DGKH: variants seen among roughly 807,000 people sequenced by gnomAD.
DGKH encodes the protein diacylglycerol kinase eta.
A neutral mutation model predicts 159.3 loss-of-function variants in DGKH; 90 were observed. That is an observed-to-expected ratio of 0.57 (90% CI 0.48 to 0.67). The LOEUF (loss-of-function observed/expected upper bound fraction) is 0.67. DGKH is among the 30% of genes least tolerant of loss of function. The pLI is 0.00. For missense variants in DGKH, 1,181 were observed against 1,506.1 expected (o/e 0.78, Z 3.57); for synonymous variants, 536 against 553.8 (o/e 0.97, Z 0.45).
At position 42,189,113 on chromosome 13, in the gene DGKH, T is replaced by C; in HGVS notation, c.1716T>C (p.Pro572=). The stretch of plus-strand genomic sequence containing the variant: ...ATTCCCAGGCTGCGCCTGTTCTCCC[T>C]GGCCTCAGCCCTCTCATTGTGGAAG... ...HTDSQAAPVL[P]GLSPLIVEED... Residue 572 remains proline (P), a synonymous_variant, in exon 15 of 30, where the codon CCT becomes CCC. Coordinates refer to ENST00000337343, the MANE Select transcript of DGKH (RefSeq NM_178009.5). 1.2e-6 allele frequency: 2 copies of C among 1,614,268 alleles called. No homozygotes were observed. Among genetic ancestry groups the C allele is most frequent in the African/African-American group, 1.3e-5 (1 of 75,080 alleles).
chr13:42,188,507 A>C (rs1346399410), intron 14 of DGKH, among the ~76,000 whole-genome samples: 1 of 152,242 alleles, frequency 6.6e-6, no homozygotes, highest in East Asian at 1.9e-4. Flanking sequence ...GCCACAACTC[A>C]GCCAGATGTG....
chr13:42,120,435 G>A (rs1955046418), intron 1 of DGKH, among the ~76,000 whole-genome samples: 1 of 152,216 alleles, frequency 6.6e-6, no homozygotes, highest in African/African-American at 2.4e-5. Flanking sequence ...ATTAGGAAAT[G>A]CCTGTATATT....
chr13:42,128,709 CTCTTT>C (rs1304685720), intron 2 of DGKH, among the ~76,000 whole-genome samples: 1 of 152,168 alleles, frequency 6.6e-6, no homozygotes, highest in Non-Finnish European at 1.5e-5. Context: ...TGTATTTCTT[CTCTTT>C]TAATTGTCTA....
At chr13:42,136,417 A>G (rs74051669) in intron 3 of DGKH, among the ~76,000 whole-genome samples, 1 of 152,346 alleles carries the variant, frequency 6.6e-6, no homozygotes, top group African/African-American at 2.4e-5. Flanking sequence ...TTGCGAAAGA[A>G]GAGCTATTTA....
At chr13:42,081,164 C>T (rs986952346) in intron 1 of DGKH, among the ~76,000 whole-genome samples, 1 of 151,876 alleles carries the variant, frequency 6.6e-6, no homozygotes, top group Non-Finnish European at 1.5e-5. Flanking sequence ...CCAATTTTAT[C>T]GTTCTTTATT....
intron 3 of DGKH, 47 bp from the exon 4 acceptor site, chr13:42,155,243 CT>C: frequency 3.5e-6 from 5 of 1,435,450 alleles, no homozygotes; most frequent in Non-Finnish European, 4.7e-6. Context: ...TTGCAACAAT[CT>C]TTCTCTTTGG....
rs550677195 is a variant in DGKH, at chr13:42,106,557, C to G, written c.193-20906C>G. ...AAAAAGTCTACTCTTTTCAAGACAGCTATTCTCAAGTAGAGTGGCATGTGG... is the reference window on the plus strand; with the variant it reads ...AAAAAGTCTACTCTTTTCAAGACAGGTATTCTCAAGTAGAGTGGCATGTGG... On this transcript the variant is annotated intron_variant, in intron 1 of 29. Coordinates refer to ENST00000337343, the MANE Select transcript of DGKH (RefSeq NM_178009.5). 4.6e-5 allele frequency among the ~76,000 whole-genome samples: 7 copies of G among 152,250 alleles called. No individual in the cohort carries two copies. The East Asian group carries it at 1.4e-3, about 29-fold the overall frequency.
chr13:42,168,657 A>G, intron 10 of DGKH, 22 bp from the exon 11 acceptor site: 2 of 1,614,060 alleles, frequency 1.2e-6, no homozygotes, highest in Non-Finnish European at 1.7e-6. Context: ...TCTGAAAGTC[A>G]CCCTGTTGCA....
At chr13:42,214,988 G>A (rs928241974) in intron 25 of DGKH, among the ~76,000 whole-genome samples, 48 of 151,938 alleles carry the variant, frequency 3.2e-4, no homozygotes, top group African/African-American at 1.1e-3. Flanking sequence ...ATGTCCACTC[G>A]TTTTTGAAGT....
chr13:42,090,481 C>A (rs9532993), intron 1 of DGKH, among the ~76,000 whole-genome samples: 20,838 of 152,138 alleles, frequency 0.14, 1,619 homozygotes, highest in South Asian at 0.18. Context: ...GGATGTCTCA[C>A]ACTGCCTGAT....
chr13:42,094,640 C>T (rs753563283), intron 1 of DGKH, among the ~76,000 whole-genome samples: 2 of 152,142 alleles, frequency 1.3e-5, no homozygotes, highest in Non-Finnish European at 2.9e-5. Context: ...GCCAAACGTA[C>T]AACATTGTAC....
chr13:42,195,122 T>C, intron 17 of DGKH, 106 bp downstream of exon 17: 2 of 1,381,160 alleles, frequency 1.4e-6, no homozygotes, highest in East Asian at 5.0e-5. Context: ...TAAATATTCT[T>C]TAGTAGAATG....
intron 1 of DGKH, among the ~76,000 whole-genome samples, chr13:42,041,747 G>A (rs1880522631): frequency 6.6e-6 from 1 of 152,086 alleles, no homozygotes; most frequent in South Asian, 2.1e-4. Context: ...CCCTGGCGTC[G>A]AATTTTGACT....
chr13:42,113,167 T>G (rs9645983), intron 1 of DGKH, among the ~76,000 whole-genome samples: 20,435 of 152,198 alleles, frequency 0.13, 1,571 homozygotes, highest in South Asian at 0.18. Flanking sequence ...TGACACCAGA[T>G]TTTTAAAATG....
intron 11 of DGKH, among the ~76,000 whole-genome samples, 176 bp from the exon 12 acceptor site, chr13:42,173,884 T>G (rs1956528598): frequency 6.6e-6 from 1 of 152,112 alleles, no homozygotes; most frequent in African/African-American, 2.4e-5. Flanking sequence ...ATTACTGAAA[T>G]GTGATCTCTT....
At chr13:42,085,551 G>T (rs1289469332) in intron 1 of DGKH, among the ~76,000 whole-genome samples, 1 of 152,178 alleles carries the variant, frequency 6.6e-6, no homozygotes, top group Non-Finnish European at 1.5e-5. Flanking sequence ...AATGTTAAAA[G>T]AAATGATTTA....
At chr13:42,248,150 T>G (rs1217625125) in intron 29 of DGKH, among the ~76,000 whole-genome samples, 2 of 152,090 alleles carry the variant, frequency 1.3e-5, no homozygotes, top group African/African-American at 4.8e-5. Flanking sequence ...CCTATACAGA[T>G]GTACCTTTAG....
rs1958539422 is a variant in DGKH at position 42,242,841 on chromosome 13, A to G, written c.*13653A>G. ...CATGATGATGAAAGACATCTTTCCC[A>G]AAGGGCACTGCCTTGAGATCATCCT... On this transcript the variant is annotated 3_prime_UTR_variant, in exon 30 of 30. Transcript: ENST00000337343. The G allele has an allele frequency of 6.6e-6, 1 of 152,238 alleles. No homozygotes were observed. Among genetic ancestry groups the G allele is most frequent in the East Asian group, 1.9e-4 (1 of 5,204 alleles). The allele number at this position is 152,238 out of a possible 1,614,324, so 9.4% of individuals were successfully genotyped here.
chr13:42,058,283 T>C (rs941636507), intron 1 of DGKH, among the ~76,000 whole-genome samples: 4 of 152,236 alleles, frequency 2.6e-5, no homozygotes, highest in African/African-American at 9.6e-5. Flanking sequence ...TCATTGATGT[T>C]ATAATGAAAT....
Sources: allele counts gnomAD v4.1 joint callset (sites outside exome capture counted in the v4.1 genomes callset), GRCh38; gene constraint gnomAD v4.1.1; transcripts MANE v1.5; gene names NCBI Gene and HGNC (gene_info 2026-07-23, HGNC 2026-07-21).